Variants in KATNA1 observed in about 807,000 individuals in gnomAD.
KATNA1 encodes the protein katanin catalytic subunit A1.
A neutral mutation model predicts 62.6 loss-of-function variants in KATNA1; 42 were observed. That is an observed-to-expected ratio of 0.67 (90% CI 0.52 to 0.87). The LOEUF (loss-of-function observed/expected upper bound fraction) is 0.87. KATNA1 is among the 40% of genes least tolerant of loss of function. The pLI is 0.00. For synonymous variants in KATNA1, 186 were observed against 201.9 expected (o/e 0.92, Z 0.67); for missense variants, 498 against 612.5 (o/e 0.81, Z 1.97).
At chr6:149,616,959 G>A (rs1457371146) in intron 4 of KATNA1, among the ~76,000 whole-genome samples, 5 of 152,082 alleles carry the variant, frequency 3.3e-5, no homozygotes, top group Non-Finnish European at 7.4e-5. Context: ...TATATGCAAT[G>A]GAATAGCACT....
chr6:149,634,456 GA>G (rs982333776), intron 2 of KATNA1, among the ~76,000 whole-genome samples: 7 of 151,642 alleles, frequency 4.6e-5, no homozygotes, highest in African/African-American at 7.3e-5. Flanking sequence ...GCCCAAGGGG[GA>G]AAAAAAACCA....
chr6:149,639,499 T>C (rs1011829214), intron 1 of KATNA1, among the ~76,000 whole-genome samples: 11 of 151,958 alleles, frequency 7.2e-5, no homozygotes, highest in African/African-American at 2.7e-4. Context: ...CTCAGGAGGC[T>C]GAGGCAGGAG....
chr6:149,639,403 A>G (rs1277908910), intron 1 of KATNA1, among the ~76,000 whole-genome samples: 7 of 151,760 alleles, frequency 4.6e-5, no homozygotes, highest in Admixed American at 6.6e-5. Flanking sequence ...GATCAAGACC[A>G]TCCTGGCCAA....
At position 149,597,529 on chromosome 6, in the gene KATNA1, TC is replaced by T; in HGVS notation, c.1127del (p.Arg376GlnfsTer18). The T allele has an allele frequency of 6.2e-7, 1 of 1,614,104 alleles. No individual in the cohort carries two copies. Among genetic ancestry groups the T allele is most frequent in the Non-Finnish European group, 8.5e-7 (1 of 1,179,998 alleles). On this transcript the variant is annotated frameshift_variant, in exon 9 of 11. Transcript: ENST00000367411. LOFTEE classifies it high-confidence loss of function. ...DEALRRRLEK[R>X]IYIPLPSAKG... ...TACCTGACGGCAAAGGAATATAGAT[TC>T]GTTTCTCAAGGCGTCGTCTTAAAGC...
chr6:149,643,347 C>T (rs1301497630), intron 1 of KATNA1, among the ~76,000 whole-genome samples: 1 of 152,200 alleles, frequency 6.6e-6, no homozygotes, highest in African/African-American at 2.4e-5. Context: ...GCCCAAATTC[C>T]TGACCCAGTG....
At chr6:149,628,792 C>G (rs9717327) in intron 3 of KATNA1, among the ~76,000 whole-genome samples, 66,582 of 148,478 alleles carry the variant, frequency 0.45, 16,005 homozygotes, top group East Asian at 0.81. Flanking sequence ...TGCACTCCAG[C>G]CTGGGCAACA....
chr6:149,630,069 A>G (rs1779771319), intron 3 of KATNA1, among the ~76,000 whole-genome samples: 1 of 152,228 alleles, frequency 6.6e-6, no homozygotes, highest in South Asian at 2.1e-4. Flanking sequence ...TTATGGATAT[A>G]GCACACCTGC....
intron 1 of KATNA1, among the ~76,000 whole-genome samples, chr6:149,648,262 C>G (rs542879955): frequency 6.6e-6 from 1 of 152,280 alleles, no homozygotes; most frequent in South Asian, 2.1e-4. Flanking sequence ...GAAAAGTCCT[C>G]CGCCTGACAG....
intron 1 of KATNA1, 136 bp from the exon 2 acceptor site, chr6:149,638,696 G>T: frequency 6.7e-6 from 3 of 446,620 alleles, no homozygotes; most frequent in South Asian, 4.8e-5. Context: ...CTATATGTGT[G>T]CTCATGCTAT....
intron 3 of KATNA1, among the ~76,000 whole-genome samples, chr6:149,623,493 T>C (rs1330111806): frequency 6.6e-6 from 1 of 152,116 alleles, no homozygotes; most frequent in African/African-American, 2.4e-5. Flanking sequence ...CCCTAGCATT[T>C]TGGGAGGCCA....
intron 3 of KATNA1, chr6:149,631,586 A>G (rs73779514): frequency 6.7e-6 from 1 of 148,322 alleles, no homozygotes; most frequent in Non-Finnish European, 1.5e-5. Context: ...AAAAAAAAAC[A>G]CAAGTAATCA....
chr6:149,600,217 AAAAG>A (rs1197912994), intron 7 of KATNA1, among the ~76,000 whole-genome samples: 30 of 140,084 alleles, frequency 2.1e-4, no homozygotes, highest in Non-Finnish European at 3.3e-4. Flanking sequence ...AAAAAAAAAA[AAAAG>A]CTGAACACAA....
intron 10 of KATNA1, 76 bp downstream of exon 10, chr6:149,596,984 GTCT>G: frequency 6.9e-7 from 1 of 1,454,706 alleles, no homozygotes; most frequent in South Asian, 1.2e-5. Flanking sequence ...GCGAGACTGT[GTCT>G]CAAAAAACAA....
intron 4 of KATNA1, among the ~76,000 whole-genome samples, chr6:149,606,115 G>A (rs144541034): frequency 1.3e-5 from 2 of 152,224 alleles, no homozygotes; most frequent in Non-Finnish European, 2.9e-5. Context: ...GTGATAAGAT[G>A]TACAGAGAGA....
At chr6:149,638,285 T>G (rs1229096423) in intron 2 of KATNA1, 101 bp downstream of exon 2, 2 of 1,125,994 alleles carry the variant, frequency 1.8e-6, no homozygotes, top group Admixed American at 4.0e-5. Context: ...TCGGTAGTCA[T>G]ACAGTCTTAA....
chr6:149,635,775 G>A (rs935339523), intron 2 of KATNA1, among the ~76,000 whole-genome samples: 4 of 151,626 alleles, frequency 2.6e-5, no homozygotes, highest in Non-Finnish European at 5.9e-5. Flanking sequence ...GAAAATGGTA[G>A]GCCAGGCATG....
At chr6:149,595,900 T>C (rs1778290741) in intron 10 of KATNA1, among the ~76,000 whole-genome samples, 1 of 152,244 alleles carries the variant, frequency 6.6e-6, no homozygotes, top group Admixed American at 6.5e-5. Context: ...CAAAACCTAC[T>C]TGAACCAGCT....
chr6:149,599,756 G>A (rs1778467721), intron 7 of KATNA1, among the ~76,000 whole-genome samples: 3 of 151,948 alleles, frequency 2.0e-5, no homozygotes, highest in Non-Finnish European at 2.9e-5. Context: ...GACCTCAAGT[G>A]ATCTGCCCGC....
At chr6:149,635,159 C>A (rs1235708862) in intron 2 of KATNA1, among the ~76,000 whole-genome samples, 1 of 151,992 alleles carries the variant, frequency 6.6e-6, no homozygotes, top group African/African-American at 2.4e-5. Flanking sequence ...GTGCCTGTGG[C>A]CCCAGCTACT....
Sources: gnomAD v4.1 joint callset for allele counts (sites outside exome capture counted in the v4.1 genomes callset) on GRCh38, gnomAD v4.1.1 for gene constraint, MANE v1.5 for transcripts, NCBI Gene and HGNC (gene_info 2026-07-23, HGNC 2026-07-21) for gene names.